The following CCDC171 variants were observed in gnomAD, a reference collection of about 807,000 sequenced individuals.
CCDC171 encodes the protein coiled-coil domain containing 171, also known as coiled-coil domain-containing protein 171.
A neutral mutation model predicts 168.2 loss-of-function variants in CCDC171; 177 were observed. That is an observed-to-expected ratio of 1.05 (90% CI 0.93 to 1.19). CCDC171 has a LOEUF of 1.19. Among genes scored for constraint, CCDC171 ranks in the 50% most tolerant of loss-of-function variants. CCDC171 has a pLI of 0.00. For missense variants in CCDC171, 1,991 were observed against 1,539.0 expected (o/e 1.29, Z -4.91); for synonymous variants, 687 against 540.8 (o/e 1.27, Z -3.75).
At position 15,632,073 on chromosome 9, in the gene CCDC171, G is replaced by A. The variant is rs557863651; in HGVS notation, c.822+8660G>A. Reference sequence around the variant, plus strand: ...ACCCACAGCCAATATCATACTAAATGGGCAAAAACTGGAAGCATTCCCTTT... The same window carrying A: ...ACCCACAGCCAATATCATACTAAATAGGCAAAAACTGGAAGCATTCCCTTT... On this transcript the variant is annotated intron_variant, in intron 7 of 25. Coordinates refer to ENST00000380701, the MANE Select transcript of CCDC171 (RefSeq NM_173550.4). Among the ~76,000 whole-genome samples the A allele has an allele frequency of 1.4e-4, 21 of 152,146 alleles. No individual in the cohort carries two copies. In the East Asian group the frequency reaches 4.1e-3, roughly 29 times the overall value.
At chr9:15,795,846 C>T (rs1004380577) in intron 21 of CCDC171, among the ~76,000 whole-genome samples, 1 of 152,202 alleles carries the variant, frequency 6.6e-6, no homozygotes, top group African/African-American at 2.4e-5. Flanking sequence ...TCTTAGTTTA[C>T]ACCTTAATGA....
chr9:15,857,443 G>A (rs1048624365), intron 23 of CCDC171, among the ~76,000 whole-genome samples: 1 of 151,534 alleles, frequency 6.6e-6, no homozygotes. Flanking sequence ...TCTTTCTTTA[G>A]ACAAAGTTCT....
chr9:15,655,941 A>C (rs919731537), intron 7 of CCDC171, among the ~76,000 whole-genome samples: 1 of 152,204 alleles, frequency 6.6e-6, no homozygotes, highest in African/African-American at 2.4e-5. Flanking sequence ...GTTGGTGAGG[A>C]TGTGGAACAA....
At chr9:16,089,251 A>C in the CCDC171 span, among the ~76,000 whole-genome samples, 1 of 151,938 alleles carries the variant, frequency 6.6e-6, no homozygotes, top group Non-Finnish European at 1.5e-5. Flanking sequence ...TAAAACCATA[A>C]AAACTCTAGA....
chr9:15,660,767 A>T (rs1280135015), intron 8 of CCDC171, among the ~76,000 whole-genome samples: 1 of 152,184 alleles, frequency 6.6e-6, no homozygotes, highest in African/African-American at 2.4e-5. Context: ...TGCTATTGTG[A>T]ATAGTGCTGT....
chr9:15,948,600 G>GT (rs1400411664), intron 25 of CCDC171, among the ~76,000 whole-genome samples: 3 of 152,010 alleles, frequency 2.0e-5, no homozygotes, highest in Admixed American at 2.0e-4. Context: ...TTTTTCATGT[G>GT]TTTTTTGGCT....
chr9:15,649,975 A>G (rs1264387835), intron 7 of CCDC171, among the ~76,000 whole-genome samples: 1 of 152,164 alleles, frequency 6.6e-6, no homozygotes, highest in Non-Finnish European at 1.5e-5. Context: ...CACTATTCAC[A>G]ATAGCAAAGA....
rs1439605768 is a variant in CCDC171, at chr9:15,819,371, A to G, written c.3268-27331A>G. Among the ~76,000 whole-genome samples, 4 of 117,636 alleles carry G rather than the reference A, an allele frequency of 3.4e-5. 1 individual carries two copies. Among genetic ancestry groups the G allele is most frequent in the Admixed American group, 1.6e-4 (2 of 12,460 alleles). The allele number at this position is 117,636 out of a possible 152,430, so 77.2% of individuals were successfully genotyped here. A position where few individuals can be genotyped will look rare whatever the true frequency, so the allele number is the denominator to read the frequency against. Reference sequence around the variant, plus strand: ...TTAACCTTAAATGTAAATGGGCTAAATGCTCCAATTAAAAGACACAGACTG... The same window carrying G: ...TTAACCTTAAATGTAAATGGGCTAAGTGCTCCAATTAAAAGACACAGACTG... On this transcript the variant is annotated intron_variant, in intron 21 of 25. Coordinates refer to ENST00000380701, the MANE Select transcript of CCDC171 (RefSeq NM_173550.4).
At chr9:15,884,671 C>T (rs985273436) in intron 24 of CCDC171, among the ~76,000 whole-genome samples, 3 of 152,106 alleles carry the variant, frequency 2.0e-5, no homozygotes, top group Admixed American at 6.5e-5. Flanking sequence ...TTAACCACCT[C>T]GGTAAGTCAC....
chr9:15,990,814 CAA>C (rs1832167830), intron 3 of CCDC171, among the ~76,000 whole-genome samples: 1 of 152,022 alleles, frequency 6.6e-6, no homozygotes, highest in Non-Finnish European at 1.5e-5. Flanking sequence ...CAACAAAGAT[CAA>C]AAGAGACAAA....
intron 7 of CCDC171, among the ~76,000 whole-genome samples, chr9:15,633,011 A>C (rs573423118): frequency 5.8e-4 from 89 of 152,348 alleles, no homozygotes; most frequent in African/African-American, 2.0e-3. Flanking sequence ...CCCATTACAC[A>C]AAAATTAATT....
chr9:16,029,149 C>G lies in CCDC171; in HGVS notation n.998+6241C>G, dbSNP rs527703995. ...GGAAGTAGTGAGGGCTGTAAGGCAA[C>G]AAGTGGTAAAAGGAGAGGAGAGAGA... On this transcript the variant is annotated intron_variant and non_coding_transcript_variant, in intron 6 of 9. Transcript: ENST00000486641. Among the ~76,000 whole-genome samples, 405 of 152,186 alleles carry G rather than the reference C, an allele frequency of 2.7e-3. 2 individuals carry two copies. The highest frequency in any genetic ancestry group is 9.1e-3 in the African/African-American group (378 of 41,532).
the CCDC171 span, among the ~76,000 whole-genome samples, chr9:16,092,979 G>A: frequency 1.3e-5 from 2 of 152,192 alleles, no homozygotes; most frequent in African/African-American, 4.8e-5. Flanking sequence ...AAGGCTGTGG[G>A]AGTTCATGGG....
chr9:15,897,583 G>A (rs1476376367), intron 24 of CCDC171, among the ~76,000 whole-genome samples: 1 of 152,110 alleles, frequency 6.6e-6, no homozygotes, highest in African/African-American at 2.4e-5. Context: ...GTAGCTCAGA[G>A]TCAATGCAGA....
intron 24 of CCDC171, among the ~76,000 whole-genome samples, chr9:15,895,529 C>A (rs1820789221): frequency 6.6e-6 from 1 of 152,198 alleles, no homozygotes; most frequent in African/African-American, 2.4e-5. Context: ...ACTCACACCA[C>A]CATACTCTGT....
At chr9:15,796,988 A>G (rs1167625160) in intron 21 of CCDC171, among the ~76,000 whole-genome samples, 1 of 152,200 alleles carries the variant, frequency 6.6e-6, no homozygotes, top group Admixed American at 6.5e-5. Context: ...AATTGGCTGC[A>G]TGATTTTACA....
At chr9:16,087,677 G>T in the CCDC171 span, among the ~76,000 whole-genome samples, 1 of 148,946 alleles carries the variant, frequency 6.7e-6, no homozygotes, top group African/African-American at 2.5e-5. Flanking sequence ...ACAGCACACT[G>T]ATGGGTCTTG....
intron 1 of CCDC171, among the ~76,000 whole-genome samples, chr9:16,044,693 G>C (rs1407673064): frequency 1.3e-5 from 2 of 152,132 alleles, no homozygotes; most frequent in Non-Finnish European, 2.9e-5. Flanking sequence ...CTCCCACAAA[G>C]AGGAAGTGCA....
chr9:16,008,020 C>G (rs886253611), intron 3 of CCDC171, among the ~76,000 whole-genome samples: 1 of 152,144 alleles, frequency 6.6e-6, no homozygotes, highest in African/African-American at 2.4e-5. Flanking sequence ...CTTTTCCATT[C>G]TGTGGATTAT....
Sources: allele counts gnomAD v4.1 joint callset (sites outside exome capture counted in the v4.1 genomes callset), GRCh38; gene constraint gnomAD v4.1.1; transcripts MANE v1.5; gene names NCBI Gene and HGNC (gene_info 2026-07-23, HGNC 2026-07-21).